CALN1: variants seen among roughly 807,000 people sequenced by gnomAD.
CALN1 encodes the protein calneuron 1.
In CALN1, 17 loss-of-function variants were observed where a neutral mutation model predicts 30.6. The ratio of observed to expected loss-of-function variants is 0.56; its 90% CI spans 0.38 to 0.83. The LOEUF is 0.83. CALN1 is among the 40% of genes least tolerant of loss of function. CALN1 has a pLI of 0.00. For synonymous variants in CALN1, 156 were observed against 131.4 expected, an observed-to-expected ratio of 1.19 and a Z score of -1.28; for missense variants, 291 against 354.9, an observed-to-expected ratio of 0.82 and a Z score of 1.45.
chr7:72,048,511 T>A (rs1407523824), intron 4 of CALN1, among the ~76,000 whole-genome samples: 1 of 152,196 alleles, frequency 6.6e-6, no homozygotes, highest in South Asian at 2.1e-4. Flanking sequence ...AATGGAAAAG[T>A]TGAAATCTGC....
intron 1 of CALN1, among the ~76,000 whole-genome samples, chr7:72,443,542 G>C (rs913943155): frequency 1.3e-5 from 2 of 152,028 alleles, no homozygotes; most frequent in African/African-American, 4.8e-5. Flanking sequence ...TTTCACCTCT[G>C]TGCTTTGCAT....
At chr7:72,346,980 G>A (rs1802677066) in intron 2 of CALN1, among the ~76,000 whole-genome samples, 1 of 152,160 alleles carries the variant, frequency 6.6e-6, no homozygotes, top group African/African-American at 2.4e-5. Context: ...GTGTGAGAAG[G>A]AAAAGTGGGA....
At chr7:71,841,672 T>C (rs560562463) in intron 5 of CALN1, among the ~76,000 whole-genome samples, 2 of 152,276 alleles carry the variant, frequency 1.3e-5, no homozygotes, top group South Asian at 2.1e-4. Context: ...TATGCAGCCA[T>C]AGAAAGAGTG....
chr7:72,329,210 G>A (rs555853171), intron 2 of CALN1, among the ~76,000 whole-genome samples: 2 of 152,288 alleles, frequency 1.3e-5, no homozygotes, highest in African/African-American at 2.4e-5. Context: ...TAACTGGTAC[G>A]TTAGAAATCA....
At chr7:72,339,384 G>A (rs1278049268) in intron 2 of CALN1, among the ~76,000 whole-genome samples, 2 of 152,136 alleles carry the variant, frequency 1.3e-5, no homozygotes, top group Non-Finnish European at 2.9e-5. Flanking sequence ...TAACTGAGAT[G>A]TAACAGGTAC....
chr7:71,980,377 G>A (rs1415798840), intron 5 of CALN1, among the ~76,000 whole-genome samples: 2 of 151,516 alleles, frequency 1.3e-5, no homozygotes, highest in Admixed American at 6.6e-5. Context: ...AGTAGAGACA[G>A]GGTTTTACCA....
chr7:72,189,504 C>G (rs531726848), intron 3 of CALN1, among the ~76,000 whole-genome samples: 1 of 152,264 alleles, frequency 6.6e-6, no homozygotes, highest in Admixed American at 6.5e-5. Context: ...CGCCTGTAAT[C>G]CCAGCCCTTT....
chr7:71,796,213 T>C (rs1200733142), intron 6 of CALN1, among the ~76,000 whole-genome samples: 1 of 152,130 alleles, frequency 6.6e-6, no homozygotes, highest in Non-Finnish European at 1.5e-5. Context: ...AACGTTTGGG[T>C]TCCTTCCACC....
intron 1 of CALN1, among the ~76,000 whole-genome samples, chr7:72,432,912 C>T (rs1808021234): frequency 6.6e-6 from 1 of 152,162 alleles, no homozygotes; most frequent in Non-Finnish European, 1.5e-5. Flanking sequence ...CCCTGCATTA[C>T]ATATTCATGT....
intron 5 of CALN1, among the ~76,000 whole-genome samples, chr7:71,966,258 A>G (rs936320615): frequency 3.9e-5 from 6 of 152,342 alleles, no homozygotes; most frequent in African/African-American, 7.2e-5. Flanking sequence ...TACTTGCAAA[A>G]TAAGTGGCAA....
At chr7:71,823,800 C>T (rs6460690) in intron 5 of CALN1, among the ~76,000 whole-genome samples, 64,843 of 151,974 alleles carry the variant, frequency 0.43, 15,162 homozygotes, top group African/African-American at 0.62. Context: ...AATGGACTCA[C>T]AGTTCCACAT....
intron 4 of CALN1, among the ~76,000 whole-genome samples, chr7:72,045,036 G>A (rs915893915): frequency 6.6e-6 from 1 of 152,172 alleles, no homozygotes; most frequent in African/African-American, 2.4e-5. Flanking sequence ...TTTCTGATGT[G>A]TTTTTGCTCA....
intron 4 of CALN1, among the ~76,000 whole-genome samples, chr7:72,054,466 TAC>T (rs1412821321): frequency 7.7e-6 from 1 of 129,596 alleles, no homozygotes; most frequent in African/African-American, 2.9e-5. Flanking sequence ...TACATATATA[TAC>T]ATATATACAT....
chr7:72,258,411 G>A (rs1207538455), intron 3 of CALN1, among the ~76,000 whole-genome samples: 1 of 152,198 alleles, frequency 6.6e-6, no homozygotes. Context: ...CAGCTACTGG[G>A]TTTAGACCGG....
At position 71,798,789 on chromosome 7, in the gene CALN1, C is replaced by CT. The variant is rs35306564; in HGVS notation, c.659-10888dup. Among the ~76,000 whole-genome samples the CT allele has an allele frequency of 5.4e-4, 82 of 151,156 alleles. 1 individual carries two copies. The highest frequency in any genetic ancestry group is 1.5e-3 in the Admixed American group (22 of 15,160). ...GGCATGCACCACCATGACCGACTAGCTTTTTTTTGTATTTTTAGTAGAGAT... is the reference window on the plus strand; with the variant it reads ...GGCATGCACCACCATGACCGACTAGCTTTTTTTTTGTATTTTTAGTAGAGAT... On this transcript the variant is annotated intron_variant, in intron 6 of 6. Coordinates refer to ENST00000395275, the MANE Select transcript of CALN1 (RefSeq NM_031468.4).
chr7:71,837,156 C>T (rs886145531), intron 5 of CALN1, among the ~76,000 whole-genome samples: 1 of 142,814 alleles, frequency 7.0e-6, no homozygotes, highest in African/African-American at 2.6e-5. Flanking sequence ...CACTTGAATC[C>T]AGAAGGCAGA....
intron 5 of CALN1, among the ~76,000 whole-genome samples, chr7:71,991,149 T>A (rs1056544303): frequency 1.3e-5 from 2 of 151,868 alleles, no homozygotes; most frequent in Admixed American, 1.3e-4. Context: ...AACGAAAGCA[T>A]AAGCAAGAAT....
At chr7:72,128,560 A>C (rs965776967) in intron 3 of CALN1, among the ~76,000 whole-genome samples, 2 of 152,330 alleles carry the variant, frequency 1.3e-5, no homozygotes, top group Admixed American at 6.5e-5. Context: ...AAAATAAAAG[A>C]CAGTAAGTTC....
At chr7:71,848,839 C>T (rs1790473100) in intron 5 of CALN1, among the ~76,000 whole-genome samples, 2 of 152,124 alleles carry the variant, frequency 1.3e-5, no homozygotes, top group South Asian at 2.1e-4. Flanking sequence ...ACTTGGAAAG[C>T]TCATCAGTCA....
Sources: gnomAD v4.1 joint callset for allele counts (sites outside exome capture counted in the v4.1 genomes callset) on GRCh38, gnomAD v4.1.1 for gene constraint, MANE v1.5 for transcripts, NCBI Gene and HGNC (gene_info 2026-07-23, HGNC 2026-07-21) for gene names.